AMPD1: variants seen among roughly 807,000 people sequenced by gnomAD.
AMPD1 encodes the protein AMP deaminase 1.
In AMPD1, 74 loss-of-function variants were observed where a neutral mutation model predicts 82.9. The ratio of observed to expected loss-of-function variants is 0.89; its 90% confidence interval spans 0.74 to 1.08. The LOEUF (loss-of-function observed/expected upper bound fraction) is 1.08. Among genes scored for constraint, AMPD1 ranks in the 50% least tolerant of loss-of-function variants. AMPD1 has a pLI of 0.00. For missense variants in AMPD1, 881 were observed against 924.5 expected (o/e 0.95, Z 0.61); for synonymous variants, 333 against 320.5 (o/e 1.04, Z -0.42).
chr1:114,688,167 A>G (rs1446492645), intron 3 of AMPD1, among the ~76,000 whole-genome samples: 1 of 151,984 alleles, frequency 6.6e-6, no homozygotes, highest in Non-Finnish European at 1.5e-5. Flanking sequence ...TCGCTCTGTC[A>G]CGCAGGCTGG....
chr1:114,675,689 G>A lies in AMPD1; in HGVS notation c.1520C>T (p.Thr507Ile), dbSNP rs1353363186. The change falls in exon 12 of 16, where the codon ACT becomes ATT. Residue 507 changes from threonine (T) to isoleucine (I), a missense_variant. Thr to Ile is a moderately conservative substitution (Grantham distance 89). This residue lies in a region of AMPD1 where 783 missense variants were observed against 786.4 expected (regional missense o/e 1.00). Transcript: ENST00000520113. Reference sequence around the variant, plus strand: ...CTCATCATCCACACTGTCAAAGCCAGTGATCTGTTAGGAAAAGTGAGCCAT... The same window carrying A: ...CTCATCATCCACACTGTCAAAGCCAATGATCTGTTAGGAAAAGTGAGCCAT... ...PELSVFLKHI[T>I]GFDSVDDESK... is the part of the protein sequence containing the mutation. The A allele has an allele frequency of 1.1e-5, 18 of 1,614,164 alleles. No homozygotes were observed. Among genetic ancestry groups the A allele is most frequent in the Non-Finnish European group, 1.4e-5 (17 of 1,180,016 alleles).
At chr1:114,686,368 C>G (rs554467919) in intron 4 of AMPD1, among the ~76,000 whole-genome samples, 63 of 152,030 alleles carry the variant, frequency 4.1e-4, no homozygotes, top group African/African-American at 1.4e-3. Flanking sequence ...CCTTCTTTTC[C>G]CCAGAGACTC....
At chr1:114,686,935 A>C in intron 3 of AMPD1, 25 bp from the exon 4 acceptor site, 3 of 1,613,496 alleles carry the variant, frequency 1.9e-6, no homozygotes, top group Non-Finnish European at 2.5e-6. Context: ...TAAAAGTAAG[A>C]GTTAATTTTG....
chr1:114,680,601 A>G, intron 5 of AMPD1, 123 bp from the exon 6 acceptor site: 1 of 808,402 alleles, frequency 1.2e-6, no homozygotes, highest in South Asian at 1.5e-5. Flanking sequence ...AGTTGTAATT[A>G]TCTGGAATTA....
chr1:114,687,028 T>C, intron 3 of AMPD1, 118 bp from the exon 4 acceptor site: 1 of 1,115,880 alleles, frequency 9.0e-7, no homozygotes, highest in Non-Finnish European at 1.3e-6. Context: ...AATTAAAATG[T>C]GGTTGGGTAT....
chr1:114,674,631 T>G, intron 13 of AMPD1, 121 bp downstream of exon 13: 3 of 1,278,358 alleles, frequency 2.3e-6, no homozygotes, highest in Non-Finnish European at 2.2e-6. Flanking sequence ...TAAAAAATCT[T>G]TTATGCTCTA....
At chr1:114,676,863 G>T (rs935058934) in intron 10 of AMPD1, among the ~76,000 whole-genome samples, 57 of 152,102 alleles carry the variant, frequency 3.7e-4, no homozygotes, top group African/African-American at 1.4e-3. Context: ...ATAGCAGGTG[G>T]TATGAAAGGG....
chr1:114,692,685 A>G (rs1191138512), intron 2 of AMPD1, among the ~76,000 whole-genome samples: 1 of 152,158 alleles, frequency 6.6e-6, no homozygotes, highest in Non-Finnish European at 1.5e-5. Context: ...ATCTCAAAAA[A>G]TAAATAAATA....
chr1:114,687,863 G>T (rs1044632296), intron 3 of AMPD1, among the ~76,000 whole-genome samples: 1 of 152,146 alleles, frequency 6.6e-6, no homozygotes, highest in African/African-American at 2.4e-5. Flanking sequence ...ATAACACTAA[G>T]GTTGGCTAGG....
chr1:114,674,578 G>A (rs1274679945), intron 13 of AMPD1, among the ~76,000 whole-genome samples, 174 bp downstream of exon 13: 2 of 152,172 alleles, frequency 1.3e-5, no homozygotes, highest in Non-Finnish European at 2.9e-5. Context: ...GTAATCTTGA[G>A]CAAGTCCCTT....
chr1:114,692,966 C>T (rs943953171), intron 2 of AMPD1, among the ~76,000 whole-genome samples: 6 of 151,266 alleles, frequency 4.0e-5, no homozygotes, highest in Non-Finnish European at 8.8e-5. Flanking sequence ...AACCCTGTCT[C>T]TACTAAAAAT....
At chr1:114,687,502 A>ACCTC (rs1328090042) in intron 3 of AMPD1, among the ~76,000 whole-genome samples, 2 of 152,194 alleles carry the variant, frequency 1.3e-5, no homozygotes, top group Non-Finnish European at 2.9e-5. Context: ...AAGGAGATGG[A>ACCTC]TTGCTGTTCT....
At chr1:114,678,567 C>T (rs370534764) in intron 7 of AMPD1, 40 bp from the exon 8 acceptor site, 2 of 1,558,756 alleles carry the variant, frequency 1.3e-6, no homozygotes, top group Non-Finnish European at 1.8e-6. Flanking sequence ...CATCAATCAG[C>T]CTTAGTTATG....
intron 10 of AMPD1, 147 bp from the exon 11 acceptor site, chr1:114,676,150 T>C (rs1206044048): frequency 2.9e-6 from 3 of 1,031,868 alleles, no homozygotes; most frequent in Admixed American, 4.1e-5. Flanking sequence ...TACATTCTTT[T>C]TGGTCCCCTA....
At position 114,678,436 on chromosome 1, in the gene AMPD1, A is replaced by C. The variant is rs778793235; in HGVS notation, c.989T>G (p.Val330Gly). The C allele has an allele frequency of 1.9e-6, 3 of 1,613,950 alleles. No homozygotes were observed. Among genetic ancestry groups the C allele is most frequent in the Non-Finnish European group, 2.5e-6 (3 of 1,179,998 alleles). The change falls in exon 8 of 16, where the codon GTG becomes GGG. Residue 330 changes from valine to glycine, a missense_variant. Physicochemically the swap from Val to Gly is moderately radical, Grantham distance 109. Coordinates refer to ENST00000520113, the MANE Select transcript of AMPD1 (RefSeq NM_000036.3). ...KKSYQIDADR[V>G]VYSTKEKNLT... ...ATTCTTCTCTTTGGTGCTATAGACC[A>C]CTCTGTCAGCATCAATTTGGTAAGA...
chr1:114,693,319 A>C (rs1658576669), intron 2 of AMPD1, 117 bp downstream of exon 2: 2 of 1,035,248 alleles, frequency 1.9e-6, no homozygotes, highest in Admixed American at 1.7e-5. Flanking sequence ...GTTGACTTTC[A>C]AGGCTATTAT....
intron 9 of AMPD1, 81 bp from the exon 10 acceptor site, chr1:114,677,595 A>G (rs1658026890): frequency 5.7e-6 from 9 of 1,571,962 alleles, no homozygotes; most frequent in Non-Finnish European, 7.0e-6. Flanking sequence ...TTCCCTTTCT[A>G]ACTCTTCCTT....
intron 1 of AMPD1, 56 bp downstream of exon 1, chr1:114,695,394 T>G (rs1570859647): frequency 2.3e-6 from 3 of 1,329,526 alleles, no homozygotes; most frequent in East Asian, 2.5e-5. Context: ...CAGTTGCTTG[T>G]CAAAAAAAAA....
chr1:114,691,176 C>G (rs1658505051), intron 2 of AMPD1, among the ~76,000 whole-genome samples: 1 of 152,132 alleles, frequency 6.6e-6, no homozygotes, highest in Non-Finnish European at 1.5e-5. Flanking sequence ...TATTTCCTTC[C>G]ACTGAAGCAA....
Sources: allele counts gnomAD v4.1 joint callset (sites outside exome capture counted in the v4.1 genomes callset), GRCh38; gene constraint gnomAD v4.1.1; regional missense constraint gnomAD v4.1.1; transcripts MANE v1.5; gene names NCBI Gene and HGNC (gene_info 2026-07-23, HGNC 2026-07-21).